PRKN: variants seen among roughly 807,000 people sequenced by gnomAD.
The protein encoded by PRKN is E3 ubiquitin-protein ligase parkin.
In PRKN, 56 loss-of-function variants were observed where a neutral mutation model predicts 59.5. The observed-to-expected ratio is 0.94, with a 90% CI of 0.76 to 1.18. PRKN has a LOEUF of 1.18. Among genes scored for constraint, PRKN ranks in the 50% most tolerant of loss-of-function variants. PRKN has a pLI of 0.00. For synonymous variants in PRKN, 250 were observed against 222.1 expected (o/e 1.13, Z -1.12); for missense variants, 657 against 596.4 (o/e 1.10, Z -1.06).
At chr6:162,256,579 C>G (rs1212637688) in intron 3 of PRKN, among the ~76,000 whole-genome samples, 1 of 152,134 alleles carries the variant, frequency 6.6e-6, no homozygotes, top group East Asian at 1.9e-4. Context: ...CTGTAAATAC[C>G]CTGCCTCCAC....
intron 1 of PRKN, among the ~76,000 whole-genome samples, chr6:162,710,322 G>A (rs1267670824): frequency 2.0e-5 from 3 of 149,492 alleles, no homozygotes; most frequent in African/African-American, 7.5e-5. Flanking sequence ...ACTGGGCTGG[G>A]TTTAAGATCT....
chr6:161,670,772 T>C (rs538218172), intron 7 of PRKN, among the ~76,000 whole-genome samples: 2 of 152,108 alleles, frequency 1.3e-5, no homozygotes, highest in Admixed American at 6.5e-5. Context: ...GCTGAAATAA[T>C]GCCACTGCAC....
chr6:162,274,217 T>C (rs1299726948), intron 2 of PRKN, among the ~76,000 whole-genome samples: 2 of 151,918 alleles, frequency 1.3e-5, no homozygotes, highest in African/African-American at 4.8e-5. Flanking sequence ...TGAGACCAGG[T>C]CTCCCTCTGT....
intron 4 of PRKN, among the ~76,000 whole-genome samples, chr6:162,176,954 G>A (rs1157428629): frequency 1.4e-5 from 2 of 147,980 alleles, no homozygotes; most frequent in Non-Finnish European, 3.0e-5. Context: ...GGGAAAAGGA[G>A]TCCTTTCATA....
At chr6:161,810,386 A>G (rs1791510521) in intron 6 of PRKN, among the ~76,000 whole-genome samples, 1 of 152,226 alleles carries the variant, frequency 6.6e-6, no homozygotes, top group South Asian at 2.1e-4. Context: ...ACTAATATAC[A>G]TGTATATTTT....
intron 2 of PRKN, among the ~76,000 whole-genome samples, chr6:162,405,616 G>T (rs931459358): frequency 6.6e-6 from 1 of 152,158 alleles, no homozygotes; most frequent in Non-Finnish European, 1.5e-5. Context: ...GGCCTTTAAA[G>T]AGGTGATCAA....
intron 1 of PRKN, among the ~76,000 whole-genome samples, chr6:162,714,966 AAAG>A (rs1444432037): frequency 7.9e-5 from 12 of 152,374 alleles, no homozygotes; most frequent in Admixed American, 7.8e-4. Flanking sequence ...CAAGGGAAAA[AAAG>A]AAGAAAGGAA....
At chr6:162,132,797 C>A (rs201469933) in intron 4 of PRKN, among the ~76,000 whole-genome samples, 2 of 151,926 alleles carry the variant, frequency 1.3e-5, no homozygotes, top group Non-Finnish European at 2.9e-5. Context: ...TCAAGCAGAG[C>A]GGTGGGATGG....
Position 162,397,763 on chromosome 6 carries a change from A to T in PRKN, c.171+45547T>A, listed in dbSNP as rs562454056. 5.4e-4 allele frequency among the ~76,000 whole-genome samples: 82 copies of T among 152,268 alleles called. 1 individual carries two copies. Among genetic ancestry groups the T allele is most frequent in the African/African-American group, 1.9e-3 (78 of 41,574 alleles). On this transcript the variant is annotated intron_variant, in intron 2 of 11. Transcript: ENST00000366898. ...TAGAAATGTAAGATTTTGGCCGGTC[A>T]CAGTGGCTCATGCCTGTAATCCTAG... is the stretch of plus-strand genomic sequence containing the variant.
intron 1 of PRKN, among the ~76,000 whole-genome samples, chr6:162,526,605 G>A (rs567816722): frequency 1.0e-4 from 15 of 148,470 alleles, no homozygotes; most frequent in African/African-American, 2.5e-4. Context: ...AGCCGAGATC[G>A]CGCTTTAAAA....
At chr6:162,371,673 T>C (rs545354002) in intron 2 of PRKN, among the ~76,000 whole-genome samples, 2 of 152,304 alleles carry the variant, frequency 1.3e-5, no homozygotes, top group South Asian at 4.1e-4. Context: ...ATGGCATCCA[T>C]TCCACAATGG....
At chr6:161,680,726 CATATAT>C (rs56954052) in intron 7 of PRKN, among the ~76,000 whole-genome samples, 162 of 50,928 alleles carry the variant, frequency 3.2e-3, no homozygotes, top group Non-Finnish European at 3.7e-3. Flanking sequence ...TCCTGAAATA[CATATAT>C]ATATATATAT....
intron 1 of PRKN, among the ~76,000 whole-genome samples, chr6:162,636,383 G>A (rs1777713592): frequency 6.6e-6 from 1 of 152,124 alleles, no homozygotes; most frequent in Non-Finnish European, 1.5e-5. Context: ...AGCAATGTGG[G>A]GGAGAAATAA....
intron 4 of PRKN, among the ~76,000 whole-genome samples, chr6:162,081,876 G>A (rs569241149): frequency 1.3e-5 from 2 of 152,204 alleles, no homozygotes; most frequent in East Asian, 3.9e-4. Context: ...ACCGTAGCTA[G>A]GTCTTCTACA....
intron 1 of PRKN, among the ~76,000 whole-genome samples, chr6:162,603,533 A>C (rs1249454777): frequency 3.9e-5 from 6 of 152,180 alleles, no homozygotes; most frequent in Non-Finnish European, 8.8e-5. Flanking sequence ...ACGGCCCCCA[A>C]AGCTGAAAAT....
intron 2 of PRKN, among the ~76,000 whole-genome samples, chr6:162,268,833 C>T (rs1780246102): frequency 6.6e-6 from 1 of 152,068 alleles, no homozygotes; most frequent in Admixed American, 6.6e-5. Flanking sequence ...ATGGTGAAGA[C>T]CAGGGTTTGG....
At chr6:161,358,755 C>G (rs1381004291) in intron 11 of PRKN, among the ~76,000 whole-genome samples, 1 of 149,582 alleles carries the variant, frequency 6.7e-6, no homozygotes, top group Non-Finnish European at 1.5e-5. Context: ...ACTAGAGAAG[C>G]TCTTTCCTTC....
At chr6:161,926,773 G>T (rs1034333308) in intron 6 of PRKN, among the ~76,000 whole-genome samples, 5 of 152,116 alleles carry the variant, frequency 3.3e-5, no homozygotes, top group Non-Finnish European at 7.3e-5. Context: ...CTTTGAAACT[G>T]AATCTAAGTC....
At chr6:161,853,076 G>A (rs1376425258) in intron 6 of PRKN, among the ~76,000 whole-genome samples, 4 of 152,182 alleles carry the variant, frequency 2.6e-5, no homozygotes, top group African/African-American at 9.7e-5. Context: ...GTCCATTTCA[G>A]TAGCAAAATC....
Sources: allele counts gnomAD v4.1 joint callset (sites outside exome capture counted in the v4.1 genomes callset), GRCh38; gene constraint gnomAD v4.1.1; transcripts MANE v1.5; gene names NCBI Gene and HGNC (gene_info 2026-07-23, HGNC 2026-07-21).